Variants in GABRG3 observed in about 807,000 individuals in gnomAD.
The protein encoded by GABRG3 is gamma-aminobutyric acid receptor subunit gamma-3.
Under a neutral mutation model 48.8 loss-of-function variants are expected in GABRG3, and 25 were observed. That is an observed-to-expected ratio of 0.51 (90% CI 0.37 to 0.72). The LOEUF is 0.72. Ranked by LOEUF, GABRG3 falls within the 30% of genes least tolerant of loss-of-function variation. GABRG3 has a pLI of 0.00. For synonymous variants in GABRG3, 227 were observed against 217.6 expected (o/e 1.04, Z -0.38); for missense variants, 394 against 577.9 (o/e 0.68, Z 3.26).
intron 3 of GABRG3, among the ~76,000 whole-genome samples, chr15:27,054,988 G>T (rs1896516763): frequency 6.8e-6 from 1 of 147,128 alleles, no homozygotes; most frequent in African/African-American, 2.5e-5. Context: ...GTAAGTTACA[G>T]CCCAAGGGCC....
At chr15:27,231,383 G>A (rs927990883) in intron 3 of GABRG3, among the ~76,000 whole-genome samples, 5 of 152,338 alleles carry the variant, frequency 3.3e-5, no homozygotes, top group African/African-American at 1.2e-4. Context: ...GGAGCAGCAA[G>A]GTTTTCTTTG....
chr15:27,023,484 C>T (rs1455096863), intron 2 of GABRG3, among the ~76,000 whole-genome samples: 1 of 152,300 alleles, frequency 6.6e-6, no homozygotes, highest in East Asian at 1.9e-4. Context: ...CTTCCCCAGT[C>T]CCTGGAAACC....
chr15:27,403,500 A>T (rs796426247), intron 5 of GABRG3, among the ~76,000 whole-genome samples: 2 of 152,346 alleles, frequency 1.3e-5, no homozygotes, highest in South Asian at 4.1e-4. Flanking sequence ...ACAGAAAATT[A>T]TTGAAAGCAC....
intron 2 of GABRG3, among the ~76,000 whole-genome samples, chr15:27,025,188 A>G (rs1895964245): frequency 6.6e-6 from 1 of 152,026 alleles, no homozygotes; most frequent in African/African-American, 2.4e-5. Context: ...GCAAGCTGTT[A>G]AGGCTTTATG....
chr15:27,502,236 A>G (rs1018732925), intron 6 of GABRG3, among the ~76,000 whole-genome samples: 4 of 152,244 alleles, frequency 2.6e-5, no homozygotes, highest in Non-Finnish European at 5.9e-5. Flanking sequence ...TTATTCAATG[A>G]ATAATACTTT....
At chr15:27,215,923 A>G (rs1889231686) in intron 3 of GABRG3, among the ~76,000 whole-genome samples, 1 of 152,182 alleles carries the variant, frequency 6.6e-6, no homozygotes, top group African/African-American at 2.4e-5. Flanking sequence ...TTTACAAATA[A>G]TCTATACTCG....
chr15:27,270,092 G>A (rs754114148), intron 3 of GABRG3, among the ~76,000 whole-genome samples: 16 of 152,176 alleles, frequency 1.1e-4, no homozygotes, highest in Non-Finnish European at 1.8e-4. Flanking sequence ...AATAGATAAT[G>A]AGTGTTCTAG....
chr15:27,004,440 C>G (rs1370609620), intron 2 of GABRG3, among the ~76,000 whole-genome samples: 1 of 151,662 alleles, frequency 6.6e-6, no homozygotes, highest in African/African-American at 2.4e-5. Flanking sequence ...GGCGGCCGGG[C>G]AGAGACGCTC....
At chr15:27,148,306 A>G (rs1426204882) in intron 3 of GABRG3, among the ~76,000 whole-genome samples, 4 of 152,034 alleles carry the variant, frequency 2.6e-5, no homozygotes, top group African/African-American at 7.2e-5. Context: ...AAGAAAAAGT[A>G]AAATCTAAAA....
chr15:27,403,904 C>CA (rs1244077952), intron 5 of GABRG3, among the ~76,000 whole-genome samples: 442 of 38,668 alleles, frequency 0.011, 1 homozygote, highest in Non-Finnish European at 0.013. Context: ...AAGCCAGACT[C>CA]AAAAAAAAAC....
chr15:27,348,554 A>G (rs1478452200), intron 5 of GABRG3, among the ~76,000 whole-genome samples: 1 of 152,160 alleles, frequency 6.6e-6, no homozygotes, highest in East Asian at 1.9e-4. Context: ...TATGTGAGTC[A>G]TAGGGTGTAG....
At chr15:27,480,575 TC>T in intron 5 of GABRG3, 74 bp from the exon 6 acceptor site, 7 of 1,318,786 alleles carry the variant, frequency 5.3e-6, no homozygotes, top group Non-Finnish European at 7.3e-6. Context: ...AATTCATTGA[TC>T]AGAATTATAA....
chr15:27,420,657 G>T (rs916952680), intron 5 of GABRG3: 1 of 152,126 alleles, frequency 6.6e-6, no homozygotes, highest in Non-Finnish European at 1.5e-5. Context: ...CACCTTAAAG[G>T]TATGTAACTT....
rs1212496951 is a variant in GABRG3 at position 27,346,092 on chromosome 15, AAGAAAGGAAAGAAAG to A, written c.574+17226_574+17240del. On this transcript the variant is annotated intron_variant, in intron 5 of 9. Coordinates refer to ENST00000615808, the MANE Select transcript of GABRG3 (RefSeq NM_033223.5). ...GAGAGAGAAAGAAGAGAGAGAAAGA[AAGAAAGGAAAGAAAG>A]AGAAAGGAAAGAAAGAGAAAGAAAG... Among the ~76,000 whole-genome samples, 87 of 142,796 alleles carry A rather than the reference AAGAAAGGAAAGAAAG, an allele frequency of 6.1e-4. 10 individuals carry two copies. The highest frequency in any genetic ancestry group is 1.4e-3 in the African/African-American group (56 of 39,030). The allele number at this position is 142,796 out of a possible 152,430, so 93.7% of individuals were successfully genotyped here. A position where few individuals can be genotyped will look rare whatever the true frequency, so the allele number is the denominator to read the frequency against.
At chr15:27,176,169 G>C (rs1887739465) in intron 3 of GABRG3, among the ~76,000 whole-genome samples, 1 of 152,148 alleles carries the variant, frequency 6.6e-6, no homozygotes, top group South Asian at 2.1e-4. Flanking sequence ...AATGTGTAAT[G>C]TGAATTTCTC....
At chr15:27,320,740 A>G (rs1450696302) in intron 3 of GABRG3, among the ~76,000 whole-genome samples, 1 of 152,214 alleles carries the variant, frequency 6.6e-6, no homozygotes, top group East Asian at 1.9e-4. Flanking sequence ...GGTCAGATTA[A>G]TAAAAATAAG....
At position 27,179,635 on chromosome 15, in the gene GABRG3, AC is replaced by A. The variant is rs2140415796; in HGVS notation, c.271-147171del. Among the ~76,000 whole-genome samples, 1 of 152,060 alleles carries A rather than the reference AC, an allele frequency of 6.6e-6. No homozygotes were observed. The highest frequency in any genetic ancestry group is 1.5e-5 in the Non-Finnish European group (1 of 67,952). ...TTTCCAGACTACAAAGATGCACAGAACCCTCGAGTCCTGTTGTCCTGCCGGG... is the reference window on the plus strand; with the variant it reads ...TTTCCAGACTACAAAGATGCACAGAACCTCGAGTCCTGTTGTCCTGCCGGG... On this transcript the variant is annotated intron_variant, in intron 3 of 9. Transcript: ENST00000615808. The surrounding 1 kb of genome is among the most constrained non-coding windows in gnomAD (Gnocchi z 4.0).
At position 27,537,797 on chromosome 15, in the gene GABRG3, C is replaced by A. The variant is rs886300789; in HGVS notation, c.*4916C>A. ...GTATTAAGGCCAAAAGGCAGACTTT[C>A]TTTATATTTATTTTTATTATTTATT... is the stretch of plus-strand genomic sequence containing the variant. On this transcript the variant is annotated 3_prime_UTR_variant, in exon 10 of 10. Coordinates refer to ENST00000615808, the MANE Select transcript of GABRG3 (RefSeq NM_033223.5). The A allele has an allele frequency of 6.7e-6, 1 of 150,332 alleles. No homozygotes were observed. The highest frequency in any genetic ancestry group is 6.6e-5 in the Admixed American group (1 of 15,078). The allele number at this position is 150,332 out of a possible 1,614,324, so 9.3% of individuals were successfully genotyped here. A position where few individuals can be genotyped will look rare whatever the true frequency, so the allele number is the denominator to read the frequency against.
intron 3 of GABRG3, among the ~76,000 whole-genome samples, chr15:27,156,854 G>A (rs1898443776): frequency 6.6e-6 from 1 of 152,170 alleles, no homozygotes; most frequent in Non-Finnish European, 1.5e-5. Flanking sequence ...GTGTTTTCCT[G>A]TCTTTTACAG....
Sources: allele counts gnomAD v4.1 joint callset (sites outside exome capture counted in the v4.1 genomes callset), GRCh38; gene constraint gnomAD v4.1.1; non-coding constraint Gnocchi (gnomAD v3.1); transcripts MANE v1.5; gene names NCBI Gene and HGNC (gene_info 2026-07-23, HGNC 2026-07-21).